RERG: variants seen among roughly 807,000 people sequenced by gnomAD.
The protein encoded by RERG is RAS like estrogen regulated growth inhibitor.
A neutral mutation model predicts 23.2 loss-of-function variants in RERG; 25 were observed. The observed-to-expected ratio is 1.08, with a 90% confidence interval of 0.79 to 1.50. RERG has a LOEUF of 1.50. RERG is among the 40% of genes most tolerant of loss of function. The pLI is 0.00. For synonymous variants in RERG, 81 were observed against 89.1 expected (o/e 0.91, Z 0.51); for missense variants, 253 against 250.1 (o/e 1.01, Z -0.08).
At chr12:15,188,554 C>G (rs188239308) in intron 2 of RERG, among the ~76,000 whole-genome samples, 1 of 152,126 alleles carries the variant, frequency 6.6e-6, no homozygotes, top group Admixed American at 6.5e-5. Context: ...CTGGGCATGG[C>G]ATTCATCTTC....
intron 2 of RERG, among the ~76,000 whole-genome samples, chr12:15,151,322 G>C (rs1001597639): frequency 2.0e-5 from 3 of 152,136 alleles, no homozygotes; most frequent in African/African-American, 7.2e-5. Context: ...TTGTTTCTTA[G>C]AAGCAGCTTG....
chr12:15,212,041 AC>A (rs1232991568), intron 2 of RERG, among the ~76,000 whole-genome samples: 43 of 92,564 alleles, frequency 4.6e-4, no homozygotes, highest in African/African-American at 1.5e-3. Context: ...CCACGAATAA[AC>A]TTTTTTTTTT....
intron 2 of RERG, among the ~76,000 whole-genome samples, chr12:15,201,700 T>C (rs1399080332): frequency 6.7e-6 from 1 of 149,746 alleles, no homozygotes; most frequent in African/African-American, 2.4e-5. Flanking sequence ...TTAGCTAATA[T>C]TAATTATTAG....
intron 2 of RERG, among the ~76,000 whole-genome samples, chr12:15,204,126 T>C (rs979324916): frequency 5.9e-5 from 9 of 151,552 alleles, no homozygotes; most frequent in African/African-American, 2.2e-4. Flanking sequence ...CAATTTCAAG[T>C]AAGAACAAAC....
At chr12:15,170,791 T>C (rs1005501215) in intron 2 of RERG, among the ~76,000 whole-genome samples, 5 of 152,182 alleles carry the variant, frequency 3.3e-5, no homozygotes, top group Admixed American at 6.5e-5. Flanking sequence ...TCCCAAAAGG[T>C]AAAATCACCC....
At chr12:15,148,090 C>G (rs1864364448) in intron 2 of RERG, among the ~76,000 whole-genome samples, 2 of 152,226 alleles carry the variant, frequency 1.3e-5, no homozygotes, top group South Asian at 4.1e-4. Flanking sequence ...GCCAGGGAGT[C>G]TTTCTGACCA....
chr12:15,126,238 CA>C (rs1429918524), intron 2 of RERG, among the ~76,000 whole-genome samples: 1 of 149,426 alleles, frequency 6.7e-6, no homozygotes, highest in Non-Finnish European at 1.5e-5. Context: ...TCTTTTGTTA[CA>C]AAAGAAAAGA....
rs761713329 is a variant in RERG, at chr12:15,195,519, C to T, written c.61+21910G>A. Among the ~76,000 whole-genome samples the T allele has an allele frequency of 2.0e-5, 3 of 149,724 alleles. No homozygotes were observed. The South Asian group carries it at 6.4e-4, about 32-fold the overall frequency. On this transcript the variant is annotated intron_variant, in intron 2 of 4. Transcript: ENST00000256953. ...TTCCATAACTTCCCATGGAAAATTT[C>T]CACTTAACTTCTTAAGGCACAGCAA...
At chr12:15,198,726 T>C (rs770919571) in intron 2 of RERG, among the ~76,000 whole-genome samples, 3 of 152,160 alleles carry the variant, frequency 2.0e-5, no homozygotes, top group Non-Finnish European at 4.4e-5. Flanking sequence ...CTTCACCTTC[T>C]AGAAGCCACT....
intron 2 of RERG, among the ~76,000 whole-genome samples, chr12:15,205,314 A>G (rs937722342): frequency 6.6e-6 from 1 of 152,004 alleles, no homozygotes; most frequent in African/African-American, 2.4e-5. Context: ...TTAGGAACAC[A>G]GTAGGATTTT....
chr12:15,171,012 T>G (rs1166544626), intron 2 of RERG, among the ~76,000 whole-genome samples: 1 of 152,208 alleles, frequency 6.6e-6, no homozygotes, highest in Non-Finnish European at 1.5e-5. Flanking sequence ...TAGGGAGAAT[T>G]TAATTGGTGC....
At chr12:15,109,770 T>A (rs576691163) in intron 4 of RERG, among the ~76,000 whole-genome samples, 8 of 152,314 alleles carry the variant, frequency 5.3e-5, no homozygotes, top group African/African-American at 1.4e-4. Flanking sequence ...ATTTTTTTCT[T>A]GCCATATCAT....
At chr12:15,110,457 T>A (rs1591630414) in intron 4 of RERG, among the ~76,000 whole-genome samples, 1 of 130,834 alleles carries the variant, frequency 7.6e-6, no homozygotes, top group Middle Eastern at 3.7e-3. Context: ...CAGTGGCCAT[T>A]TTTTTCTTTT....
intron 2 of RERG, among the ~76,000 whole-genome samples, chr12:15,216,836 T>C (rs1865446601): frequency 6.6e-6 from 1 of 152,246 alleles, no homozygotes; most frequent in Admixed American, 6.5e-5. Flanking sequence ...GAACAAAGTC[T>C]CTGAATTACT....
chr12:15,131,524 G>A (rs938152560), intron 2 of RERG, among the ~76,000 whole-genome samples: 2 of 152,098 alleles, frequency 1.3e-5, no homozygotes, highest in African/African-American at 4.8e-5. Context: ...TACTTATGAT[G>A]TTAATGCCTA....
chr12:15,209,169 T>C (rs1206778198), intron 2 of RERG, among the ~76,000 whole-genome samples: 2 of 152,104 alleles, frequency 1.3e-5, no homozygotes, highest in Non-Finnish European at 2.9e-5. Context: ...CAAAGACAAA[T>C]GTTAAGGAAC....
chr12:15,192,989 A>G (rs532933510), intron 2 of RERG, among the ~76,000 whole-genome samples: 1 of 152,060 alleles, frequency 6.6e-6, no homozygotes, highest in South Asian at 2.1e-4. Flanking sequence ...TGTCTGCCGG[A>G]TTTTTTTCAC....
chr12:15,164,848 T>C (rs1269402913), intron 2 of RERG, among the ~76,000 whole-genome samples: 2 of 152,196 alleles, frequency 1.3e-5, no homozygotes, highest in Non-Finnish European at 2.9e-5. Flanking sequence ...CTTTGGAAAA[T>C]TGACCTTTTG....
chr12:15,116,197 G>A (rs1863718469), intron 3 of RERG, among the ~76,000 whole-genome samples: 1 of 152,186 alleles, frequency 6.6e-6, no homozygotes, highest in Non-Finnish European at 1.5e-5. Context: ...GCGTGAGGAA[G>A]AGCAGCCCAT....
Sources: gnomAD v4.1 joint callset for allele counts (sites outside exome capture counted in the v4.1 genomes callset) on GRCh38, gnomAD v4.1.1 for gene constraint, MANE v1.5 for transcripts, NCBI Gene and HGNC (gene_info 2026-07-23, HGNC 2026-07-21) for gene names.